FGGY: variants seen among roughly 807,000 people sequenced by gnomAD.
FGGY encodes FGGY carbohydrate kinase domain-containing protein.
A neutral mutation model predicts 71.3 loss-of-function variants in FGGY; 72 were observed. That is an observed-to-expected ratio of 1.01 (90% CI 0.84 to 1.23). The LOEUF is 1.23. Ranked by LOEUF, FGGY falls within the 50% of genes most tolerant of loss-of-function variation. The pLI, the probability that FGGY is intolerant of heterozygous loss-of-function variation, is 0.00. For missense variants in FGGY, 668 were observed against 682.3 expected, an observed-to-expected ratio of 0.98 and a Z score of 0.23; for synonymous variants, 251 against 250.3, an observed-to-expected ratio of 1.00 and a Z score of -0.02.
intron 7 of FGGY, among the ~76,000 whole-genome samples, chr1:59,528,579 A>G (rs1399263354): frequency 6.6e-6 from 1 of 152,154 alleles, no homozygotes; most frequent in Non-Finnish European, 1.5e-5. Context: ...AGCCTCTTCT[A>G]TTTTGTTGAA....
intron 5 of FGGY, among the ~76,000 whole-genome samples, chr1:59,413,048 G>C (rs1324834274): frequency 6.6e-6 from 1 of 152,192 alleles, no homozygotes; most frequent in Non-Finnish European, 1.5e-5. Context: ...CCATGCATTT[G>C]CACAGATTGT....
At chr1:59,627,931 C>G (rs2096874778) in intron 10 of FGGY, among the ~76,000 whole-genome samples, 1 of 152,096 alleles carries the variant, frequency 6.6e-6, no homozygotes, top group African/African-American at 2.4e-5. Context: ...GACAGGTCTT[C>G]CTCTTCACTG....
At chr1:59,398,522 A>C (rs1326673961) in intron 5 of FGGY, among the ~76,000 whole-genome samples, 1 of 152,218 alleles carries the variant, frequency 6.6e-6, no homozygotes, top group Non-Finnish European at 1.5e-5. Context: ...TACAGGCATG[A>C]GCCACCATGC....
At chr1:59,680,680 G>A (rs1447875887) in intron 14 of FGGY, 4 of 152,128 alleles carry the variant, frequency 2.6e-5, no homozygotes, top group African/African-American at 9.7e-5. Flanking sequence ...TCCTTACAGA[G>A]TGATCCAAGA....
chr1:59,409,598 T>TATATATATATATATATA (rs1553185795), intron 5 of FGGY, among the ~76,000 whole-genome samples: 1 of 105,756 alleles, frequency 9.5e-6, no homozygotes, highest in African/African-American at 3.1e-5. Flanking sequence ...GAAGAGTTTT[T>TATATATATATATATATA]TATATATATA....
intron 6 of FGGY, among the ~76,000 whole-genome samples, chr1:59,488,338 A>G (rs937558789): frequency 6.6e-6 from 1 of 151,718 alleles, no homozygotes; most frequent in African/African-American, 2.4e-5. Flanking sequence ...AAAAATACAA[A>G]CTCTTTAAAA....
chr1:59,506,864 A>G (rs550617980), intron 6 of FGGY, among the ~76,000 whole-genome samples: 4 of 152,302 alleles, frequency 2.6e-5, no homozygotes, highest in African/African-American at 7.2e-5. Context: ...AAAAGGAAAG[A>G]AAAAAGAAAT....
intron 14 of FGGY, among the ~76,000 whole-genome samples, chr1:59,685,916 G>A (rs760545893): frequency 2.2e-4 from 34 of 152,220 alleles, no homozygotes; most frequent in Non-Finnish European, 3.2e-4. Flanking sequence ...TGGGAAAAGT[G>A]TCAAGTCATA....
chr1:59,721,337 GTTTTTTTTT>G (rs71046339), intron 14 of FGGY, among the ~76,000 whole-genome samples: 1 of 105,376 alleles, frequency 9.5e-6, no homozygotes, highest in African/African-American at 4.2e-5. Context: ...TCTTTCCTTT[GTTTTTTTTT>G]TTTTTTTTTT....
chr1:59,473,297 C>G (rs889413521), intron 6 of FGGY, among the ~76,000 whole-genome samples: 2 of 151,576 alleles, frequency 1.3e-5, no homozygotes, highest in African/African-American at 4.9e-5. Flanking sequence ...TAACACTCAC[C>G]GCGAAGGTCC....
intron 5 of FGGY, among the ~76,000 whole-genome samples, chr1:59,380,514 T>C (rs1448233490): frequency 6.6e-6 from 1 of 151,584 alleles, no homozygotes; most frequent in South Asian, 2.1e-4. Context: ...GATATCTCAT[T>C]GTGGTTTTGA....
intron 6 of FGGY, among the ~76,000 whole-genome samples, chr1:59,502,222 C>T (rs2094247885): frequency 6.6e-6 from 1 of 152,146 alleles, no homozygotes; most frequent in African/African-American, 2.4e-5. Flanking sequence ...AACCACCTGC[C>T]TCTTATGGAT....
chr1:59,523,503 A>G (rs1162010219), intron 7 of FGGY, among the ~76,000 whole-genome samples: 4 of 152,216 alleles, frequency 2.6e-5, no homozygotes, highest in African/African-American at 9.7e-5. Context: ...CAGTCATTGT[A>G]AAGAGCAAAG....
At position 59,319,028 on chromosome 1, in the gene FGGY, A is replaced by ATCAG. The variant is rs2045939541; in HGVS notation, c.-14-2506_-14-2503dup. On this transcript the variant is annotated intron_variant, in intron 1 of 15. Coordinates refer to ENST00000303721, the MANE Select transcript of FGGY (RefSeq NM_018291.5). Reference sequence around the variant, plus strand: ...CGAAGGCATTGCCCCTATTTTGTCAATCAGTGTATCCTCAGCAGGCTTCCT... The same window carrying ATCAG: ...CGAAGGCATTGCCCCTATTTTGTCAATCAGTCAGTGTATCCTCAGCAGGCTTCCT... Among the ~76,000 whole-genome samples, 11 of 152,354 alleles carry ATCAG rather than the reference A, an allele frequency of 7.2e-5. No homozygotes were observed. In the South Asian group the frequency reaches 2.3e-3, roughly 32 times the overall value.
chr1:59,751,322 G>A (rs912355721), intron 14 of FGGY, among the ~76,000 whole-genome samples: 2 of 152,176 alleles, frequency 1.3e-5, no homozygotes, highest in South Asian at 2.1e-4. Flanking sequence ...AATGGCAATG[G>A]CAGTGGTAGT....
At chr1:59,697,461 T>G (rs571773394) in intron 14 of FGGY, among the ~76,000 whole-genome samples, 4 of 152,356 alleles carry the variant, frequency 2.6e-5, no homozygotes, top group African/African-American at 9.6e-5. Context: ...TTGTCTTTTG[T>G]TGACTGGCTA....
At chr1:59,761,428 A>G (rs1363908833) in intron 15 of FGGY, among the ~76,000 whole-genome samples, 2 of 152,200 alleles carry the variant, frequency 1.3e-5, no homozygotes, top group Non-Finnish European at 1.5e-5. Context: ...ACTTTGCACC[A>G]AAATTTCATC....
intron 8 of FGGY, among the ~76,000 whole-genome samples, chr1:59,601,262 C>T (rs909983865): frequency 3.3e-5 from 5 of 152,176 alleles, no homozygotes; most frequent in South Asian, 2.1e-4. Flanking sequence ...GGAGTGATGG[C>T]GTTGCAGGGA....
At chr1:59,419,730 T>G (rs2153440434) in intron 5 of FGGY, among the ~76,000 whole-genome samples, 1 of 152,316 alleles carries the variant, frequency 6.6e-6, no homozygotes, top group East Asian at 1.9e-4. Flanking sequence ...GGTCCAGAGT[T>G]AAGCATAATA....
Sources: allele counts gnomAD v4.1 joint callset (sites outside exome capture counted in the v4.1 genomes callset), GRCh38; gene constraint gnomAD v4.1.1; transcripts MANE v1.5; gene names NCBI Gene and HGNC (gene_info 2026-07-23, HGNC 2026-07-21).